The following ZNF285 variants were observed in gnomAD, a reference collection of about 807,000 sequenced individuals.
The protein encoded by ZNF285 is zinc finger protein 285A.
In ZNF285, 4 loss-of-function variants were observed where a neutral mutation model predicts 6.2. The ratio of observed to expected loss-of-function variants is 0.65; its 90% CI spans 0.32 to 1.49. ZNF285 has a LOEUF of 1.49. Ranked by LOEUF, ZNF285 falls within the 40% of genes most tolerant of loss-of-function variation. ZNF285 has a pLI of 0.07. For synonymous variants in ZNF285, 240 were observed against 245.8 expected, an observed-to-expected ratio of 0.98 and a Z score of 0.22; for missense variants, 695 against 708.8, an observed-to-expected ratio of 0.98 and a Z score of 0.22.
intron 3 of ZNF285, among the ~76,000 whole-genome samples, chr19:44,388,582 C>CA (rs1251810841): frequency 6.6e-6 from 1 of 151,566 alleles, no homozygotes; most frequent in African/African-American, 2.4e-5. Context: ...CCCCACACCG[C>CA]AAAAAGGAAT....
In ZNF285 at chr19:44,386,622, CT is replaced by C; in HGVS notation, c.1622del (p.Lys541SerfsTer23). ...TGAAGCCCTTACCACATGCCTTACA[CT>C]TATAGGGCCTCTCTCCTGTGTGGAC... is the stretch of plus-strand genomic sequence containing the variant. ...LRVHTGERPYKCKACGKGFSR... is the reference protein window; with the variant it reads ...LRVHTGERPYXCKACGKGFSR... On this transcript the variant is annotated frameshift_variant, in exon 4 of 4. Coordinates refer to ENST00000614994, the MANE Select transcript of ZNF285 (RefSeq NM_152354.6). LOFTEE classifies it low-confidence loss of function (END_TRUNC). 1 of 1,614,162 alleles carries C rather than the reference CT, an allele frequency of 6.2e-7. No homozygotes were observed. Among genetic ancestry groups the C allele is most frequent in the Non-Finnish European group, 8.5e-7 (1 of 1,180,030 alleles).
intron 2 of ZNF285, among the ~76,000 whole-genome samples, chr19:44,393,873 C>G (rs2123279674): frequency 6.6e-6 from 1 of 152,186 alleles, no homozygotes; most frequent in Admixed American, 6.5e-5. Flanking sequence ...GGATCTAGAA[C>G]TAGAAATACC....
rs1381092257 is a variant in ZNF285 at position 44,383,146 on chromosome 19, CT to C, written c.*3325del. The C allele has an allele frequency of 6.6e-6, 1 of 152,164 alleles. No individual in the cohort carries two copies. The highest frequency in any genetic ancestry group is 1.9e-4 in the East Asian group (1 of 5,196). 9.4% of individuals were successfully genotyped at this position (152,164 alleles called of 1,614,324 possible). A position where few individuals can be genotyped will look rare whatever the true frequency, so the allele number is the denominator to read the frequency against. ...GTTGACCCGATAATTTTAAAACAGC[CT>C]TCAATTGGTCAAATTTTACAGGTGG... On this transcript the variant is annotated 3_prime_UTR_variant, in exon 4 of 4. Transcript: ENST00000614994.
intron 2 of ZNF285, among the ~76,000 whole-genome samples, chr19:44,393,261 T>C (rs1430687550): frequency 1.3e-5 from 2 of 152,166 alleles, no homozygotes; most frequent in Non-Finnish European, 2.9e-5. Context: ...ATTATACATA[T>C]GTTTGTGGGT....
Position 44,386,266 on chromosome 19 carries a change from T to C in ZNF285, c.*206A>G. ...GTCAAAAGTAACCTCTTTGCCATTGTAGCATACAGCAGTTGATGGGAGCTT... is the reference window on the plus strand; with the variant it reads ...GTCAAAAGTAACCTCTTTGCCATTGCAGCATACAGCAGTTGATGGGAGCTT... On this transcript the variant is annotated 3_prime_UTR_variant, in exon 4 of 4. Transcript: ENST00000614994. 1 of 560,624 alleles carries C rather than the reference T, an allele frequency of 1.8e-6. No individual in the cohort carries two copies. The allele number at this position is 560,624 out of a possible 1,614,324, so 34.7% of individuals were successfully genotyped here.
chr19:44,390,001 A>G (rs2571096), intron 3 of ZNF285, among the ~76,000 whole-genome samples: 40,990 of 152,088 alleles, frequency 0.27, 9,454 homozygotes, highest in African/African-American at 0.6. Context: ...CAGTTGTTTC[A>G]TCCATTGATA....
chr19:44,398,907 A>T (rs1479242620), intron 1 of ZNF285, among the ~76,000 whole-genome samples: 1 of 152,170 alleles, frequency 6.6e-6, no homozygotes, highest in Non-Finnish European at 1.5e-5. Context: ...ACTAGTTTTT[A>T]AATTATTATT....
chr19:44,393,853 G>A (rs12972749), intron 2 of ZNF285, among the ~76,000 whole-genome samples: 17,049 of 152,034 alleles, frequency 0.11, 1,609 homozygotes, highest in East Asian at 0.43. Flanking sequence ...TCAGTGTGGC[G>A]ATTCCTCAGG....
At chr19:44,389,594 TTC>T (rs1420868139) in intron 3 of ZNF285, among the ~76,000 whole-genome samples, 2 of 152,180 alleles carry the variant, frequency 1.3e-5, no homozygotes, top group Non-Finnish European at 2.9e-5. Flanking sequence ...CGATAAATTC[TTC>T]TGTTTTCTGT....
At chr19:44,392,708 T>C (rs993062158) in intron 2 of ZNF285, 5 of 703,656 alleles carry the variant, frequency 7.1e-6, no homozygotes, top group Non-Finnish European at 1.2e-5. Context: ...AGAGGGAGAA[T>C]GAGAGCAAGC....
intron 1 of ZNF285, 22 bp from the exon 2 acceptor site, chr19:44,397,278 T>A: frequency 6.2e-7 from 1 of 1,613,390 alleles, no homozygotes; most frequent in East Asian, 2.2e-5. Flanking sequence ...AAATAATCCA[T>A]GAGATCATGG....
intron 1 of ZNF285, among the ~76,000 whole-genome samples, chr19:44,398,494 G>A (rs760955019): frequency 6.6e-6 from 1 of 152,126 alleles, no homozygotes; most frequent in Non-Finnish European, 1.5e-5. Flanking sequence ...AAAGGTCATG[G>A]CCTCCATCAG....
chr19:44,393,771 A>G (rs1275094728), intron 2 of ZNF285, among the ~76,000 whole-genome samples: 2 of 152,152 alleles, frequency 1.3e-5, no homozygotes, highest in African/African-American at 2.4e-5. Context: ...CAGGTGCTGG[A>G]GAGGATGTGG....
At chr19:44,393,948 T>C (rs1382078599) in intron 2 of ZNF285, among the ~76,000 whole-genome samples, 27 of 152,064 alleles carry the variant, frequency 1.8e-4, no homozygotes, top group Non-Finnish European at 1.5e-5. Context: ...CTGCTATAAA[T>C]ACACATGCAC....
In ZNF285 at chr19:44,383,330, T is replaced by C. The variant is rs987276294; in HGVS notation, c.*3142A>G. The C allele has an allele frequency of 2.0e-5, 3 of 152,228 alleles. No individual in the cohort carries two copies. The highest frequency in any genetic ancestry group is 7.2e-5 in the African/African-American group (3 of 41,456). The allele number at this position is 152,228 out of a possible 1,614,324, so 9.4% of individuals were successfully genotyped here. On this transcript the variant is annotated 3_prime_UTR_variant, in exon 4 of 4. Transcript: ENST00000614994. ...ACTTGCTTTAATCATTAAAATGTGG[T>C]GAAAGTATCATTGAGCCTGTTCCCT... is the stretch of plus-strand genomic sequence containing the variant.
At chr19:44,396,646 C>A (rs1379849921) in intron 2 of ZNF285, 1 of 152,902 alleles carries the variant, frequency 6.5e-6, no homozygotes, top group African/African-American at 2.4e-5. Flanking sequence ...TTCCAGCCCA[C>A]CCTTCCTGAG....
Position 44,386,676 on chromosome 19 carries a change from C to G in ZNF285, c.1569G>C (p.Arg523=). The part of the protein sequence containing the change: ...KCDECGKGFS[R]NSDLNVHLRV... ...TGAGGTGAACATTAAGATCTGAATT[C>G]CGGCTGAAGCCTTTACCACACTCAT... Residue 523 remains arginine, a synonymous_variant, in exon 4 of 4, where the codon CGG becomes CGC. Transcript: ENST00000614994. The G allele has an allele frequency of 6.2e-7, 1 of 1,614,138 alleles. No homozygotes were observed. Among genetic ancestry groups the G allele is most frequent in the Non-Finnish European group, 8.5e-7 (1 of 1,180,002 alleles).
In ZNF285 at chr19:44,386,923, G is replaced by T. The variant is rs375719363; in HGVS notation, c.1322C>A (p.Thr441Lys). The change falls in exon 4 of 4, where the codon ACA (threonine) becomes AAA (lysine). Residue 441 changes from threonine to lysine, a missense_variant. Physicochemically the swap from Thr to Lys is moderately conservative, Grantham distance 78. Coordinates refer to ENST00000614994, the MANE Select transcript of ZNF285 (RefSeq NM_152354.6). ...GACTCTCTGGTGAATGTGAAGGTGTGTACATTGGCTGAAGCCCTTTCCACA... is the reference window on the plus strand; with the variant it reads ...GACTCTCTGGTGAATGTGAAGGTGTTTACATTGGCTGAAGCCCTTTCCACA... Reference protein sequence around the residue: ...GECGKGFSQCTHLHIHQRVHT... With the variant: ...GECGKGFSQCKHLHIHQRVHT... The T allele has an allele frequency of 6.2e-7, 1 of 1,614,166 alleles. No homozygotes were observed. The highest frequency in any genetic ancestry group is 1.7e-5 in the Admixed American group (1 of 60,010).
In ZNF285 at chr19:44,386,951, C is replaced by A. The variant is rs1294750610; in HGVS notation, c.1294G>T (p.Glu432Ter). ...CATTGGCTGAAGCCCTTTCCACACT[C>A]ACCACACCTATATGGTTTCTCCCCT... ...HTGEKPYRCG[E>*]CGKGFSQCTH... is the part of the protein sequence containing the mutation. Residue 432 changes from glutamate to a stop codon, truncating the protein, a stop_gained, in exon 4 of 4, where the codon GAG becomes TAG. Coordinates refer to ENST00000614994, the MANE Select transcript of ZNF285 (RefSeq NM_152354.6). LOFTEE classifies it low-confidence loss of function (END_TRUNC). 1 of 1,614,100 alleles carries A rather than the reference C, an allele frequency of 6.2e-7. No individual in the cohort carries two copies. Among genetic ancestry groups the A allele is most frequent in the Non-Finnish European group, 8.5e-7 (1 of 1,180,026 alleles).
Sources: gnomAD v4.1 joint callset for allele counts (sites outside exome capture counted in the v4.1 genomes callset) on GRCh38, gnomAD v4.1.1 for gene constraint, MANE v1.5 for transcripts, NCBI Gene and HGNC (gene_info 2026-07-23, HGNC 2026-07-21) for gene names.